DPP6: variants seen among roughly 807,000 people sequenced by gnomAD.
DPP6 encodes the protein dipeptidyl peptidase like 6, also known as A-type potassium channel modulatory protein DPP6.
DPP6 carries 69 observed loss-of-function variants against 122.6 expected under a neutral mutation model. That is an observed-to-expected ratio of 0.56 (90% CI 0.46 to 0.69). The LOEUF (loss-of-function observed/expected upper bound fraction) is 0.69. Ranked by LOEUF, DPP6 falls within the 30% of genes least tolerant of loss-of-function variation. The pLI is 0.00. For synonymous variants in DPP6, 418 were observed against 433.1 expected, an observed-to-expected ratio of 0.97 and a Z score of 0.43; for missense variants, 928 against 1,116.9, an observed-to-expected ratio of 0.83 and a Z score of 2.41.
chr7:153,819,331 A>G, the DPP6 span, among the ~76,000 whole-genome samples: 2 of 145,464 alleles, frequency 1.4e-5, no homozygotes, highest in Admixed American at 1.4e-4. Context: ...AAGTGAGGAT[A>G]TGCATTTCTT....
At chr7:153,820,681 G>A in the DPP6 span, among the ~76,000 whole-genome samples, 2 of 152,050 alleles carry the variant, frequency 1.3e-5, no homozygotes, top group East Asian at 3.9e-4. Flanking sequence ...TAGCTGAAGA[G>A]CAGCCGAAAA....
At chr7:153,821,873 T>C in the DPP6 span, among the ~76,000 whole-genome samples, 1 of 152,096 alleles carries the variant, frequency 6.6e-6, no homozygotes, top group Non-Finnish European at 1.5e-5. Flanking sequence ...CTCTGTGAGA[T>C]GAAGTAAATC....
intron 1 of DPP6, among the ~76,000 whole-genome samples, chr7:154,366,778 CAATG>C (rs1316785335): frequency 6.6e-6 from 1 of 152,130 alleles, no homozygotes; most frequent in African/African-American, 2.4e-5. Flanking sequence ...AAAGTTGAAA[CAATG>C]AAAGGCAGAT....
At chr7:154,722,866 G>C (rs1841888290) in intron 7 of DPP6, among the ~76,000 whole-genome samples, 1 of 152,154 alleles carries the variant, frequency 6.6e-6, no homozygotes, top group Admixed American at 6.5e-5. Context: ...TTTGATCTCA[G>C]CATCCAGGAT....
chr7:153,944,614 C>G (rs964352314), intron 1 of DPP6, among the ~76,000 whole-genome samples: 6 of 149,586 alleles, frequency 4.0e-5, no homozygotes, highest in African/African-American at 1.5e-4. Flanking sequence ...ACACACGGGG[C>G]CTTGCAGGCC....
At chr7:154,614,500 G>A (rs772014569) in intron 5 of DPP6, among the ~76,000 whole-genome samples, 8 of 152,150 alleles carry the variant, frequency 5.3e-5, no homozygotes, top group Non-Finnish European at 2.9e-5. Flanking sequence ...GTGTGTGGTT[G>A]TTCTCAATGG....
At chr7:153,847,518 G>A in the DPP6 span, among the ~76,000 whole-genome samples, 2 of 152,116 alleles carry the variant, frequency 1.3e-5, no homozygotes, top group African/African-American at 4.8e-5. Context: ...AAAAGAGAGT[G>A]GATTTTGTTA....
At chr7:154,297,968 C>T (rs1472885932) in intron 1 of DPP6, among the ~76,000 whole-genome samples, 1 of 152,186 alleles carries the variant, frequency 6.6e-6, no homozygotes, top group Non-Finnish European at 1.5e-5. Context: ...TTCTCAAACA[C>T]CAGGCGACAT....
chr7:154,760,944 C>T lies in DPP6; in HGVS notation c.884-8473C>T, dbSNP rs1420283433. On this transcript the variant is annotated intron_variant, in intron 8 of 25. Transcript: ENST00000377770. The surrounding 1 kb of genome is among the most constrained non-coding windows in gnomAD (Gnocchi z 4.5). ...CCGCTTCCCTGGTTCAAGCGATTCT[C>T]CTGCCTCAGCCTCCCGGATAGCTGG... 6.6e-6 allele frequency among the ~76,000 whole-genome samples: 1 copy of T among 151,642 alleles called. No homozygotes were observed. The highest frequency in any genetic ancestry group is 2.4e-5 in the African/African-American group (1 of 41,220).
At chr7:154,019,625 T>G (rs1265953541) in intron 1 of DPP6, among the ~76,000 whole-genome samples, 1 of 152,210 alleles carries the variant, frequency 6.6e-6, no homozygotes, top group Non-Finnish European at 1.5e-5. Flanking sequence ...ACAAAGCAGT[T>G]GTATTGCTTT....
chr7:154,001,605 G>T (rs1260075536), intron 1 of DPP6, among the ~76,000 whole-genome samples: 4 of 152,150 alleles, frequency 2.6e-5, no homozygotes, highest in African/African-American at 9.7e-5. Context: ...ATTGAGGGTT[G>T]TCAAAATGTT....
At chr7:154,828,223 G>T (rs1800337614) in intron 16 of DPP6, among the ~76,000 whole-genome samples, 1 of 152,176 alleles carries the variant, frequency 6.6e-6, no homozygotes, top group African/African-American at 2.4e-5. Flanking sequence ...GGAAGATGGG[G>T]CATCAGCTCA....
At chr7:153,759,296 A>G in the DPP6 span, among the ~76,000 whole-genome samples, 1 of 151,320 alleles carries the variant, frequency 6.6e-6, no homozygotes, top group African/African-American at 2.4e-5. Flanking sequence ...CTTCCAGTCT[A>G]TAGGGGTATA....
At chr7:154,823,368 T>G (rs914954635) in intron 16 of DPP6, among the ~76,000 whole-genome samples, 1 of 89,030 alleles carries the variant, frequency 1.1e-5, no homozygotes, top group Non-Finnish European at 3.5e-5. Flanking sequence ...AGATCCTAAC[T>G]GTAAAATAAT....
At chr7:154,041,242 G>C (rs902242881) in intron 1 of DPP6, among the ~76,000 whole-genome samples, 11 of 152,224 alleles carry the variant, frequency 7.2e-5, no homozygotes, top group Middle Eastern at 6.8e-3. Flanking sequence ...AGATTTTCTA[G>C]TTGAAGAAAT....
At chr7:154,060,280 G>C (rs1329100273) in intron 1 of DPP6, among the ~76,000 whole-genome samples, 1 of 122,566 alleles carries the variant, frequency 8.2e-6, no homozygotes. Context: ...GGCAGGGACT[G>C]AGAGGCAATC....
the DPP6 span, among the ~76,000 whole-genome samples, chr7:153,837,140 G>T: frequency 6.6e-6 from 1 of 152,176 alleles, no homozygotes; most frequent in Non-Finnish European, 1.5e-5. Context: ...AAACCATGGG[G>T]GGTTAAATAG....
chr7:154,005,955 C>G (rs1299698978), intron 1 of DPP6, among the ~76,000 whole-genome samples: 1 of 152,226 alleles, frequency 6.6e-6, no homozygotes, highest in South Asian at 2.1e-4. Context: ...GGACTTTTTT[C>G]CTGCTCACCT....
chr7:154,034,935 C>A (rs984171816), intron 1 of DPP6, among the ~76,000 whole-genome samples: 1 of 150,658 alleles, frequency 6.6e-6, no homozygotes, highest in African/African-American at 2.5e-5. Context: ...TCTATTCAAC[C>A]CAGATGGAAA....
Sources: allele counts gnomAD v4.1 joint callset (sites outside exome capture counted in the v4.1 genomes callset), GRCh38; gene constraint gnomAD v4.1.1; non-coding constraint Gnocchi (gnomAD v3.1); transcripts MANE v1.5; gene names NCBI Gene and HGNC (gene_info 2026-07-23, HGNC 2026-07-21).